Variants in UPF2 observed in about 807,000 individuals in gnomAD.
UPF2 encodes UPF2 regulator of nonsense mediated mRNA decay.
UPF2 carries 17 observed loss-of-function variants against 141.4 expected under a neutral mutation model. The ratio of observed to expected loss-of-function variants is 0.12; its 90% CI spans 0.08 to 0.18. The LOEUF (loss-of-function observed/expected upper bound fraction) is 0.18, where lower values mean the gene tolerates loss of function less well. UPF2 is among the 10% of genes least tolerant of loss of function. The pLI is 1.00. For missense variants in UPF2, 1,152 were observed against 1,515.9 expected (o/e 0.76, Z 3.99); for synonymous variants, 540 against 498.0 (o/e 1.08, Z -1.12).
intron 16 of UPF2, among the ~76,000 whole-genome samples, chr10:11,943,553 G>A (rs1022935450): frequency 1.3e-5 from 2 of 152,172 alleles, no homozygotes; most frequent in African/African-American, 2.4e-5. Flanking sequence ...AAGTTCAAAT[G>A]TAACAGCATT....
At chr10:12,035,521 A>C (rs927954649) in intron 1 of UPF2, 80 bp from the exon 2 acceptor site, 3 of 1,387,370 alleles carry the variant, frequency 2.2e-6, no homozygotes, top group Non-Finnish European at 2.8e-6. Context: ...TAAACAGAAC[A>C]TATTAATGCA....
chr10:12,003,437 G>A (rs1216509747), intron 5 of UPF2, among the ~76,000 whole-genome samples: 2 of 152,174 alleles, frequency 1.3e-5, no homozygotes, highest in Non-Finnish European at 2.9e-5. Context: ...AATGCAGGAA[G>A]GCAAGAAGGC....
At chr10:12,030,543 AAATAAT>A (rs141050401) in intron 2 of UPF2, among the ~76,000 whole-genome samples, 2 of 148,918 alleles carry the variant, frequency 1.3e-5, no homozygotes, top group Non-Finnish European at 3.0e-5. Flanking sequence ...CTGCCTCAAA[AAATAAT>A]AATAATAATA....
At chr10:11,966,605 GTAGAGACGGGGTTTC>G (rs1451636163) in intron 10 of UPF2, among the ~76,000 whole-genome samples, 1 of 152,082 alleles carries the variant, frequency 6.6e-6, no homozygotes, top group Non-Finnish European at 1.5e-5. Flanking sequence ...TGTATTTTTA[GTAGAGACGGGGTTTC>G]TCCATGTTGG....
At chr10:12,043,093 A>G (rs1834770380), upstream of UPF2, 1 of 152,262 alleles carries the variant, frequency 6.6e-6, no homozygotes, top group African/African-American at 2.4e-5. Flanking sequence ...CATTCACTTA[A>G]CAGCTCTTTC....
chr10:11,978,636 A>G (rs1262471391), intron 9 of UPF2, among the ~76,000 whole-genome samples: 1 of 152,210 alleles, frequency 6.6e-6, no homozygotes, highest in Non-Finnish European at 1.5e-5. Flanking sequence ...CTAGTATCAG[A>G]GTATTGATGG....
At chr10:11,929,435 G>A (rs546297940) in intron 21 of UPF2, among the ~76,000 whole-genome samples, 235 of 152,250 alleles carry the variant, frequency 1.5e-3, no homozygotes, top group Non-Finnish European at 2.9e-3. Context: ...TCAGGAGTTC[G>A]AGACTAGCCT....
chr10:12,024,928 T>A (rs1199561612), intron 3 of UPF2, among the ~76,000 whole-genome samples: 1 of 29,424 alleles, frequency 3.4e-5, no homozygotes, highest in African/African-American at 8.2e-5. Context: ...GGAGACCCTG[T>A]TACAAAAAAA....
intron 8 of UPF2, among the ~76,000 whole-genome samples, chr10:11,994,225 A>G (rs1462459288): frequency 3.3e-5 from 5 of 152,194 alleles, no homozygotes; most frequent in Admixed American, 2.0e-4. Context: ...CCACGAGGAG[A>G]AAAGAGGAAG....
chr10:12,023,195 C>T (rs1317596743), intron 3 of UPF2, among the ~76,000 whole-genome samples: 4 of 151,908 alleles, frequency 2.6e-5, no homozygotes, highest in Non-Finnish European at 5.9e-5. Flanking sequence ...CTAATAGGAC[C>T]TCTATAATAT....
chr10:11,979,833 A>T lies in UPF2; in HGVS notation c.1845-668T>A, dbSNP rs953315976. 1.6e-4 allele frequency among the ~76,000 whole-genome samples: 24 copies of T among 152,220 alleles called. 1 individual carries two copies. Among genetic ancestry groups the T allele is most frequent in the Admixed American group, 1.6e-3 (24 of 15,284 alleles). On this transcript the variant is annotated intron_variant, in intron 8 of 21. Transcript: ENST00000357604. The surrounding 1 kb of genome is among the most constrained non-coding windows in gnomAD (Gnocchi z 6.2). ...GGCAGGAGAATTGCTTGAACCCAGG[A>T]GGTAGAAGTTGCAGTGAGCCCAGAT...
chr10:11,981,605 C>T (rs1833594833), intron 8 of UPF2, among the ~76,000 whole-genome samples: 1 of 152,192 alleles, frequency 6.6e-6, no homozygotes, highest in South Asian at 2.1e-4. Flanking sequence ...GTCTAAGCTG[C>T]TGTCACATGG....
chr10:11,957,716 C>T (rs1833175894), intron 12 of UPF2, among the ~76,000 whole-genome samples: 1 of 152,068 alleles, frequency 6.6e-6, no homozygotes, highest in South Asian at 2.1e-4. Flanking sequence ...GAGGGTTTCG[C>T]CATGTTGGCC....
intron 6 of UPF2, among the ~76,000 whole-genome samples, chr10:12,000,981 G>C (rs999999468): frequency 2.0e-5 from 3 of 152,086 alleles, no homozygotes; most frequent in Non-Finnish European, 4.4e-5. Flanking sequence ...AATCATTTCA[G>C]AATAACTTTC....
At chr10:11,962,153 A>T (rs1833250972) in intron 11 of UPF2, among the ~76,000 whole-genome samples, 1 of 152,220 alleles carries the variant, frequency 6.6e-6, no homozygotes, top group South Asian at 2.1e-4. Context: ...TCAACCTGTT[A>T]GCTGGCCTGC....
intron 12 of UPF2, among the ~76,000 whole-genome samples, chr10:11,957,407 T>C (rs765819418): frequency 3.2e-4 from 48 of 151,750 alleles, no homozygotes; most frequent in Middle Eastern, 3.4e-3. Context: ...CCAGCCTGGG[T>C]GACAGAGCGA....
chr10:11,999,486 C>T (rs1164856601), intron 7 of UPF2, among the ~76,000 whole-genome samples: 13 of 137,984 alleles, frequency 9.4e-5, no homozygotes, highest in African/African-American at 3.0e-4. Context: ...GCACTCCAGC[C>T]TAGGCGAAAG....
rs1198096891 is a variant in UPF2 at position 11,979,391 on chromosome 10, A to G, written c.1845-226T>C. ...TTTCCATTCCGTGAATTTACTGCAC[A>G]TCTGTAGTTTTATTATGTAATTTTG... On this transcript the variant is annotated intron_variant, in intron 8 of 21. Transcript: ENST00000357604. This position sits in a 1 kb window ranked among gnomAD's most constrained non-coding sequence, Gnocchi z 6.2. 6.6e-6 allele frequency among the ~76,000 whole-genome samples: 1 copy of G among 152,220 alleles called. No homozygotes were observed. Among genetic ancestry groups the G allele is most frequent in the East Asian group, 1.9e-4 (1 of 5,204 alleles).
chr10:12,018,390 G>A (rs930365026), intron 3 of UPF2, among the ~76,000 whole-genome samples: 8 of 152,100 alleles, frequency 5.3e-5, no homozygotes, highest in African/African-American at 1.9e-4. Context: ...AGATCACCCT[G>A]ACCAACACGG....
Sources: gnomAD v4.1 joint callset for allele counts (sites outside exome capture counted in the v4.1 genomes callset) on GRCh38, gnomAD v4.1.1 for gene constraint, Gnocchi (gnomAD v3.1) non-coding constraint, MANE v1.5 for transcripts, NCBI Gene and HGNC (gene_info 2026-07-23, HGNC 2026-07-21) for gene names.